Variants in COL23A1 observed in about 807,000 individuals in gnomAD.
COL23A1 encodes collagen type XXIII alpha 1 chain.
A neutral mutation model predicts 99.3 loss-of-function variants in COL23A1; 97 were observed. The ratio of observed to expected loss-of-function variants is 0.98; its 90% CI spans 0.83 to 1.16. The LOEUF is 1.16. Among genes scored for constraint, COL23A1 ranks in the 50% most tolerant of loss-of-function variants. The pLI, the probability that COL23A1 is intolerant of heterozygous loss-of-function variation, is 0.00. For synonymous variants in COL23A1, 320 were observed against 308.2 expected (o/e 1.04, Z -0.40); for missense variants, 762 against 757.4 (o/e 1.01, Z -0.07).
intron 2 of COL23A1, among the ~76,000 whole-genome samples, chr5:178,540,109 G>T (rs1291806263): frequency 1.3e-5 from 2 of 152,166 alleles, no homozygotes; most frequent in African/African-American, 4.8e-5. Flanking sequence ...TCTGAGTTCA[G>T]TTATGAAACC....
At chr5:178,452,826 TA>T (rs1321668102) in intron 2 of COL23A1, among the ~76,000 whole-genome samples, 2 of 152,166 alleles carry the variant, frequency 1.3e-5, no homozygotes, top group Non-Finnish European at 2.9e-5. Flanking sequence ...ACCAGGAGCA[TA>T]AAATAGAACC....
At chr5:178,497,124 G>A (rs1758238247) in intron 2 of COL23A1, among the ~76,000 whole-genome samples, 1 of 152,182 alleles carries the variant, frequency 6.6e-6, no homozygotes, top group South Asian at 2.1e-4. Context: ...CACTCTTTGA[G>A]TCAGTACTGC....
intron 2 of COL23A1, among the ~76,000 whole-genome samples, chr5:178,552,067 A>G (rs1762028426): frequency 6.6e-6 from 1 of 151,930 alleles, no homozygotes; most frequent in Non-Finnish European, 1.5e-5. Context: ...CCCAATTATC[A>G]TCTTCCCCAG....
intron 1 of COL23A1, among the ~76,000 whole-genome samples, chr5:178,579,478 G>A (rs1028811227): frequency 2.0e-5 from 3 of 152,138 alleles, no homozygotes; most frequent in Non-Finnish European, 4.4e-5. Context: ...TTTTGAGACG[G>A]AGTCTTGCTC....
At position 178,415,400 on chromosome 5, in the gene COL23A1, C is replaced by A. The variant is rs1040994766; in HGVS notation, c.362-108481G>T. Reference sequence around the variant, plus strand: ...AACGTCTAAAAACCGTCCTGCCCCCCACCCTCAGTGCACAGGCTGTGGCCT... The same window carrying A: ...AACGTCTAAAAACCGTCCTGCCCCCAACCCTCAGTGCACAGGCTGTGGCCT... On this transcript the variant is annotated intron_variant, in intron 2 of 28. Transcript: ENST00000390654. This position sits in a 1 kb window ranked among gnomAD's most constrained non-coding sequence, Gnocchi z 4.6. Among the ~76,000 whole-genome samples, 17 of 152,282 alleles carry A rather than the reference C, an allele frequency of 1.1e-4. No individual in the cohort carries two copies. The highest frequency in any genetic ancestry group is 3.4e-4 in the African/African-American group (14 of 41,560).
At chr5:178,376,164 T>C (rs1197218353) in intron 2 of COL23A1, among the ~76,000 whole-genome samples, 2 of 152,250 alleles carry the variant, frequency 1.3e-5, no homozygotes, top group African/African-American at 2.4e-5. Flanking sequence ...CTCTTTTCCA[T>C]AGCACTTGTC....
chr5:178,341,000 A>G lies in COL23A1; in HGVS notation c.362-34081T>C, dbSNP rs1033969774. 2.0e-5 allele frequency among the ~76,000 whole-genome samples: 3 copies of G among 152,132 alleles called. No individual in the cohort carries two copies. The highest frequency in any genetic ancestry group is 2.9e-5 in the Non-Finnish European group (2 of 68,014). ...CAGCTCTATTTCCCCCATTATGAAG[A>G]TGGAGGAACTGAGTCCCTTGAGCTG... On this transcript the variant is annotated intron_variant, in intron 2 of 28. Transcript: ENST00000390654. The surrounding 1 kb of genome is among the most constrained non-coding windows in gnomAD (Gnocchi z 4.7).
At chr5:178,443,940 G>T (rs1450406887) in intron 2 of COL23A1, among the ~76,000 whole-genome samples, 1 of 152,086 alleles carries the variant, frequency 6.6e-6, no homozygotes, top group Non-Finnish European at 1.5e-5. Flanking sequence ...AGAGGCTCAC[G>T]CCTGTAATCC....
chr5:178,247,492 T>G, intron 22 of COL23A1, 34 bp downstream of exon 22: 1 of 1,612,908 alleles, frequency 6.2e-7, no homozygotes, highest in Non-Finnish European at 8.5e-7. Flanking sequence ...AGACGGTGAG[T>G]CTGAGGCCAG....
At chr5:178,552,954 C>T (rs949183686) in intron 2 of COL23A1, among the ~76,000 whole-genome samples, 3 of 152,064 alleles carry the variant, frequency 2.0e-5, no homozygotes, top group Non-Finnish European at 4.4e-5. Flanking sequence ...GTGATCCCCC[C>T]GCCTTGGCCT....
intron 2 of COL23A1, among the ~76,000 whole-genome samples, chr5:178,452,004 T>C (rs1767515906): frequency 1.3e-5 from 2 of 152,144 alleles, no homozygotes; most frequent in Admixed American, 1.3e-4. Flanking sequence ...GTGGGCAAAC[T>C]TATTCTAAAG....
At chr5:178,409,731 A>G (rs1764967061) in intron 2 of COL23A1, among the ~76,000 whole-genome samples, 1 of 152,242 alleles carries the variant, frequency 6.6e-6, no homozygotes, top group Non-Finnish European at 1.5e-5. Context: ...AAGTATGTAG[A>G]ACTCAGAAAT....
intron 2 of COL23A1, among the ~76,000 whole-genome samples, chr5:178,500,360 G>A (rs1212031930): frequency 1.3e-5 from 2 of 149,984 alleles, no homozygotes; most frequent in African/African-American, 4.9e-5. Flanking sequence ...AGCCGAGGCG[G>A]GAGGGTCACT....
At chr5:178,294,284 C>A (rs1001055603) in intron 3 of COL23A1, among the ~76,000 whole-genome samples, 1,448 of 129,730 alleles carry the variant, frequency 0.011, 56 homozygotes, top group African/African-American at 0.04. Context: ...CAAATCACTA[C>A]CGAGCTCCCT....
intron 2 of COL23A1, among the ~76,000 whole-genome samples, chr5:178,486,005 T>C (rs1004261579): frequency 1.3e-5 from 2 of 152,154 alleles, no homozygotes; most frequent in African/African-American, 4.8e-5. Context: ...CTTTGAAAGA[T>C]AACAAAGACT....
At chr5:178,261,909 C>T (rs566120030) in intron 10 of COL23A1, among the ~76,000 whole-genome samples, 161 bp from the exon 11 acceptor site, 9 of 152,332 alleles carry the variant, frequency 5.9e-5, no homozygotes, top group African/African-American at 2.2e-4. Context: ...CTGGGCCTGA[C>T]TCCTCAAGCC....
At chr5:178,338,853 A>C (rs1168614463) in intron 2 of COL23A1, among the ~76,000 whole-genome samples, 4 of 152,168 alleles carry the variant, frequency 2.6e-5, no homozygotes, top group African/African-American at 7.2e-5. Context: ...GCTTAACAGG[A>C]ATCTGTCTAA....
intron 27 of COL23A1, among the ~76,000 whole-genome samples, chr5:178,240,508 C>T (rs935449123): frequency 1.3e-5 from 2 of 152,210 alleles, no homozygotes; most frequent in Admixed American, 6.5e-5. Context: ...CAGCCTGGTG[C>T]CCCTCTCCGG....
chr5:178,464,646 C>T (rs752224815), intron 2 of COL23A1, among the ~76,000 whole-genome samples: 5 of 152,230 alleles, frequency 3.3e-5, no homozygotes, highest in Non-Finnish European at 7.3e-5. Context: ...CTCCGTGCTG[C>T]TAGAGCTTCC....
Sources: allele counts gnomAD v4.1 joint callset (sites outside exome capture counted in the v4.1 genomes callset), GRCh38; gene constraint gnomAD v4.1.1; non-coding constraint Gnocchi (gnomAD v3.1); transcripts MANE v1.5; gene names NCBI Gene and HGNC (gene_info 2026-07-23, HGNC 2026-07-21).